The following TENT5C variants were observed in gnomAD, a reference collection of about 807,000 sequenced individuals.
TENT5C encodes terminal nucleotidyltransferase 5C.
Under a neutral mutation model 22.2 loss-of-function variants are expected in TENT5C, and 5 were observed. The observed-to-expected ratio is 0.22, with a 90% CI of 0.12 to 0.47. The LOEUF (loss-of-function observed/expected upper bound fraction) is 0.47. TENT5C is among the 20% of genes least tolerant of loss of function. The probability of loss-of-function intolerance (pLI) is 0.99; values close to 1 mark genes in which losing one functional copy is unlikely to be tolerated. For synonymous variants in TENT5C, 199 were observed against 195.4 expected (o/e 1.02, Z -0.15); for missense variants, 364 against 500.9 (o/e 0.73, Z 2.61).
intron 1 of TENT5C, among the ~76,000 whole-genome samples, chr1:117,615,636 A>T (rs1775830): frequency 0.079 from 11,973 of 152,278 alleles, 514 homozygotes; most frequent in African/African-American, 0.11. Flanking sequence ...CTCTGCATGT[A>T]TTAGCACCTG....
intron 1 of TENT5C, among the ~76,000 whole-genome samples, chr1:117,614,593 G>A (rs1653741498): frequency 6.6e-6 from 1 of 152,136 alleles, no homozygotes. Flanking sequence ...AGCTCCAGTT[G>A]GGTTATTGGC....
chr1:117,617,026 T>C (rs945283725), intron 1 of TENT5C, among the ~76,000 whole-genome samples: 9 of 152,206 alleles, frequency 5.9e-5, no homozygotes, highest in Admixed American at 2.6e-4. Context: ...TTAATGTTGC[T>C]TTGACCGAAT....
At chr1:117,610,234 T>C (rs912059875) in intron 1 of TENT5C, among the ~76,000 whole-genome samples, 9 of 152,080 alleles carry the variant, frequency 5.9e-5, no homozygotes, top group African/African-American at 2.2e-4. Context: ...AGTCTGTGCA[T>C]TTGGAACTCC....
In TENT5C at chr1:117,624,148, C is replaced by CTCAGCTCT; in HGVS notation, c.*105_*112dup. ...TAGGCATTTGGCTTTTAAAGGGGAA[C>CTCAGCTCT]TCAGCTCTGATTCTGCTTTTTTTTT... On this transcript the variant is annotated 3_prime_UTR_variant, in exon 2 of 2. Transcript: ENST00000369448. 1.1e-6 allele frequency: 1 copy of CTCAGCTCT among 902,172 alleles called. No homozygotes were observed. Among genetic ancestry groups the CTCAGCTCT allele is most frequent in the Non-Finnish European group, 1.7e-6 (1 of 602,332 alleles). The allele number at this position is 902,172 out of a possible 1,614,324, so 55.9% of individuals were successfully genotyped here. A position where few individuals can be genotyped will look rare whatever the true frequency, so the allele number is the denominator to read the frequency against.
intron 1 of TENT5C, among the ~76,000 whole-genome samples, chr1:117,615,935 G>A (rs1653772884): frequency 6.6e-6 from 1 of 152,202 alleles, no homozygotes; most frequent in African/African-American, 2.4e-5. Flanking sequence ...AGGTTGCTGT[G>A]TCCTTTTTTG....
Position 117,623,335 on chromosome 1 carries a change from C to T in TENT5C, c.467C>T (p.Ser156Phe). ...CTDTDRWSLISLSNKNGKNVE... is the reference protein window; with the variant it reads ...CTDTDRWSLIFLSNKNGKNVE... Reference sequence around the variant, plus strand: ...GACACTGACCGCTGGAGCCTGATCTCCCTCTCCAACAAGAACGGGAAGAAC... The same window carrying T: ...GACACTGACCGCTGGAGCCTGATCTTCCTCTCCAACAAGAACGGGAAGAAC... The change falls in exon 2 of 2, where the codon TCC becomes TTC. Residue 156 changes from serine to phenylalanine, a missense_variant. Ser to Phe is a radical substitution (Grantham distance 155, BLOSUM62 -2). Coordinates refer to ENST00000369448, the MANE Select transcript of TENT5C (RefSeq NM_017709.4). 1 of 1,614,180 alleles carries T rather than the reference C, an allele frequency of 6.2e-7. No individual in the cohort carries two copies. The highest frequency in any genetic ancestry group is 8.5e-7 in the Non-Finnish European group (1 of 1,180,040).
chr1:117,617,426 G>A (rs1653812039), intron 1 of TENT5C, among the ~76,000 whole-genome samples: 1 of 146,664 alleles, frequency 6.8e-6, no homozygotes, highest in African/African-American at 2.5e-5. Context: ...TACCTTTACT[G>A]CAGTCAGATA....
At chr1:117,622,342 T>C (rs2101079375) in intron 1 of TENT5C, among the ~76,000 whole-genome samples, 1 of 144,896 alleles carries the variant, frequency 6.9e-6, no homozygotes, top group Admixed American at 6.7e-5. Context: ...TGTGTGTGTG[T>C]GTGTGTGTGT....
chr1:117,618,020 AGTGGCTTAAACTCCTCTC>A (rs1278560313), intron 1 of TENT5C, among the ~76,000 whole-genome samples: 1 of 152,246 alleles, frequency 6.6e-6, no homozygotes, highest in Non-Finnish European at 1.5e-5. Flanking sequence ...TTGTGTCTTC[AGTGGCTTAAACTCCTCTC>A]TATGTAAATC....
In TENT5C at chr1:117,628,273, T is replaced by TA. The variant is rs778620117; in HGVS notation, c.*4230dup. 6 of 247,190 alleles carry TA rather than the reference T, an allele frequency of 2.4e-5. No individual in the cohort carries two copies. Among genetic ancestry groups the TA allele is most frequent in the Non-Finnish European group, 5.1e-5 (6 of 117,608 alleles). 15.3% of individuals were successfully genotyped at this position (247,190 alleles called of 1,614,324 possible). A position where few individuals can be genotyped will look rare whatever the true frequency, so the allele number is the denominator to read the frequency against. ...CCTCTTTCGTGGTGGTCACTAACCT[T>TA]ACTTGATGCAGATAAAATCACTTGT... On this transcript the variant is annotated 3_prime_UTR_variant, in exon 2 of 2. Transcript: ENST00000369448.
At chr1:117,608,917 TAAG>T (rs1653603892) in intron 1 of TENT5C, among the ~76,000 whole-genome samples, 1 of 152,144 alleles carries the variant, frequency 6.6e-6, no homozygotes, top group African/African-American at 2.4e-5. Context: ...GTTTAGGAGT[TAAG>T]GAGTAATGTG....
At chr1:117,616,419 C>A (rs1053735737) in intron 1 of TENT5C, among the ~76,000 whole-genome samples, 1 of 152,152 alleles carries the variant, frequency 6.6e-6, no homozygotes. Flanking sequence ...TGCTTATGTT[C>A]TCTAGGTTTT....
At chr1:117,610,513 G>A (rs1040365363) in intron 1 of TENT5C, among the ~76,000 whole-genome samples, 11 of 152,078 alleles carry the variant, frequency 7.2e-5, no homozygotes, top group Non-Finnish European at 1.3e-4. Context: ...TTCACACCTC[G>A]ATTCATTAAT....
At chr1:117,611,887 A>G (rs952562157) in intron 1 of TENT5C, among the ~76,000 whole-genome samples, 6 of 152,224 alleles carry the variant, frequency 3.9e-5, no homozygotes, top group Non-Finnish European at 4.4e-5. Flanking sequence ...TATTTAATCT[A>G]CCATATCAAA....
At position 117,623,455 on chromosome 1, in the gene TENT5C, A is replaced by G. The variant is rs1653943385; in HGVS notation, c.587A>G (p.Asp196Gly). The change falls in exon 2 of 2, where the codon GAC (aspartate) becomes GGC (glycine). Residue 196 changes from aspartate (D) to glycine (G), a missense_variant. This residue lies in a region of TENT5C where 303 missense variants were observed against 394.5 expected (regional missense o/e 0.77). Coordinates refer to ENST00000369448, the MANE Select transcript of TENT5C (RefSeq NM_017709.4). ...IILDSLLFFY[D>G]CSNNPISEHF... ...CTGGATTCTTTGCTTTTCTTCTATG[A>G]CTGTTCCAATAATCCCATCTCTGAG... 2 of 1,613,984 alleles carry G rather than the reference A, an allele frequency of 1.2e-6. No homozygotes were observed. The highest frequency in any genetic ancestry group is 1.7e-6 in the Non-Finnish European group (2 of 1,180,000).
chr1:117,612,366 G>C (rs1267694596), intron 1 of TENT5C, among the ~76,000 whole-genome samples: 2 of 141,330 alleles, frequency 1.4e-5, no homozygotes, highest in Admixed American at 7.3e-5. Context: ...TTTTTTTATA[G>C]TTTCTTAGAG....
At chr1:117,615,820 A>T (rs1653769589) in intron 1 of TENT5C, among the ~76,000 whole-genome samples, 2 of 152,238 alleles carry the variant, frequency 1.3e-5, no homozygotes, top group Admixed American at 1.3e-4. Flanking sequence ...GAATCTGCAC[A>T]AAAGCAGAGA....
At position 117,625,596 on chromosome 1, in the gene TENT5C, A is replaced by T. The variant is rs1457815142; in HGVS notation, c.*1552A>T. On this transcript the variant is annotated 3_prime_UTR_variant, in exon 2 of 2. Coordinates refer to ENST00000369448, the MANE Select transcript of TENT5C (RefSeq NM_017709.4). ...CTTGGGTTCTAAAGTGATTTAATCA[A>T]ATTCATGCTCCTGATCTTTTTTTTC... is the stretch of plus-strand genomic sequence containing the variant. The T allele has an allele frequency of 4.0e-6, 1 of 248,012 alleles. No homozygotes were observed. Among genetic ancestry groups the T allele is most frequent in the Non-Finnish European group, 8.5e-6 (1 of 118,148 alleles). The allele number at this position is 248,012 out of a possible 1,614,324, so 15.4% of individuals were successfully genotyped here.
chr1:117,619,657 C>T (rs1273314534), intron 1 of TENT5C, among the ~76,000 whole-genome samples: 1 of 152,020 alleles, frequency 6.6e-6, no homozygotes, highest in African/African-American at 2.4e-5. Flanking sequence ...CTTAGAGTTT[C>T]ATGCTTTTAC....
Sources: gnomAD v4.1 joint callset for allele counts (sites outside exome capture counted in the v4.1 genomes callset) on GRCh38, gnomAD v4.1.1 for gene constraint, gnomAD v4.1.1 regional missense constraint, MANE v1.5 for transcripts, NCBI Gene and HGNC (gene_info 2026-07-23, HGNC 2026-07-21) for gene names.